Variants in SLC22A15 observed in about 807,000 individuals in gnomAD.
SLC22A15 encodes the protein solute carrier family 22 member 15.
In SLC22A15, 45 loss-of-function variants were observed where a neutral mutation model predicts 62.7. The ratio of observed to expected loss-of-function variants is 0.72; its 90% CI spans 0.56 to 0.92. The LOEUF (loss-of-function observed/expected upper bound fraction) is 0.92. Ranked by LOEUF, SLC22A15 falls within the 40% of genes least tolerant of loss-of-function variation. The probability of loss-of-function intolerance (pLI) is 0.00; values close to 1 mark genes in which losing one functional copy is unlikely to be tolerated. For missense variants in SLC22A15, 622 were observed against 665.6 expected, an observed-to-expected ratio of 0.93 and a Z score of 0.72; for synonymous variants, 264 against 267.0, an observed-to-expected ratio of 0.99 and a Z score of 0.11.
chr1:116,023,711 GA>G (rs1656953529), intron 4 of SLC22A15, among the ~76,000 whole-genome samples: 2 of 152,204 alleles, frequency 1.3e-5, no homozygotes, highest in Non-Finnish European at 2.9e-5. Flanking sequence ...TGAAGAAAAT[GA>G]AGCAGGGTAA....
At chr1:116,022,377 T>A (rs946804577) in intron 4 of SLC22A15, among the ~76,000 whole-genome samples, 2 of 148,132 alleles carry the variant, frequency 1.4e-5, no homozygotes, top group Non-Finnish European at 3.0e-5. Flanking sequence ...CTGCTCCCTG[T>A]ATCCAGGGAA....
chr1:116,004,730 T>G (rs1570714618), intron 2 of SLC22A15, among the ~76,000 whole-genome samples: 1 of 152,176 alleles, frequency 6.6e-6, no homozygotes, highest in East Asian at 1.9e-4. Flanking sequence ...TTATATTTTA[T>G]GGAAGAGATT....
intron 1 of SLC22A15, among the ~76,000 whole-genome samples, chr1:115,983,773 G>A (rs1469261559): frequency 6.6e-6 from 1 of 152,178 alleles, no homozygotes; most frequent in Non-Finnish European, 1.5e-5. Context: ...ATGGGAAGGT[G>A]GAGTGGTTGC....
chr1:116,038,242 A>C (rs1657684450), intron 8 of SLC22A15, among the ~76,000 whole-genome samples: 1 of 152,210 alleles, frequency 6.6e-6, no homozygotes, highest in Non-Finnish European at 1.5e-5. Flanking sequence ...TCCAGTAGGC[A>C]ATCATTGTGA....
intron 8 of SLC22A15, among the ~76,000 whole-genome samples, chr1:116,048,067 C>T (rs1657971562): frequency 6.6e-6 from 1 of 151,994 alleles, no homozygotes; most frequent in Non-Finnish European, 1.5e-5. Flanking sequence ...ACAAAGCCTC[C>T]AAGAAGTCTG....
intron 1 of SLC22A15, among the ~76,000 whole-genome samples, chr1:115,988,707 AT>A (rs1655004436): frequency 2.6e-5 from 3 of 117,080 alleles, no homozygotes; most frequent in Non-Finnish European, 5.5e-5. Context: ...TTTTTTTTGT[AT>A]TTTTAGTAGA....
Position 116,050,831 on chromosome 1 carries a change from C to T in SLC22A15, c.1172-11931C>T, listed in dbSNP as rs575929308. 5.6e-4 allele frequency among the ~76,000 whole-genome samples: 85 copies of T among 152,258 alleles called. No individual in the cohort carries two copies. The South Asian group carries it at 0.014, about 25-fold the overall frequency. On this transcript the variant is annotated intron_variant, in intron 8 of 11. Transcript: ENST00000369503. Reference sequence around the variant, plus strand: ...TTGTTTACCTCAGAAATCCTAAAGACTCCTCCAGAAAGCTCCTAGAACTGA... The same window carrying T: ...TTGTTTACCTCAGAAATCCTAAAGATTCCTCCAGAAAGCTCCTAGAACTGA...
At chr1:116,003,845 C>T (rs1011385467) in intron 2 of SLC22A15, among the ~76,000 whole-genome samples, 8 of 152,148 alleles carry the variant, frequency 5.3e-5, no homozygotes, top group Non-Finnish European at 1.0e-4. Context: ...ACCCAATTGT[C>T]CCAAAGAGCT....
At chr1:116,022,494 C>G (rs1382617621) in intron 4 of SLC22A15, among the ~76,000 whole-genome samples, 2 of 152,100 alleles carry the variant, frequency 1.3e-5, no homozygotes, top group Admixed American at 1.3e-4. Flanking sequence ...TAACATTTCT[C>G]CATTATAGTA....
chr1:115,999,360 T>C (rs193279747), intron 2 of SLC22A15, among the ~76,000 whole-genome samples: 1 of 152,216 alleles, frequency 6.6e-6, no homozygotes, highest in African/African-American at 2.4e-5. Context: ...TTTTTCTCCC[T>C]GGATGACCTA....
Position 116,052,742 on chromosome 1 carries a change from G to A in SLC22A15, c.1172-10020G>A, listed in dbSNP as rs148824248. On this transcript the variant is annotated intron_variant, in intron 8 of 11. Transcript: ENST00000369503. ...GGAATGATCAGACAGCAGCATTCGCGGTTCACGAAAATCTACTGTTCTGCA... is the reference window on the plus strand; with the variant it reads ...GGAATGATCAGACAGCAGCATTCGCAGTTCACGAAAATCTACTGTTCTGCA... Among the ~76,000 whole-genome samples, 1,337 of 152,240 alleles carry A rather than the reference G, an allele frequency of 8.8e-3. 5 individuals are homozygous for A. The highest frequency in any genetic ancestry group is 0.017 in the African/African-American group (687 of 41,518).
At position 116,064,380 on chromosome 1, in the gene SLC22A15, G is replaced by C; in HGVS notation, c.1293-56G>C. ...TCAAGGCCCGCTGCTGCCCCCCAAG[G>C]GTCTCTTAATTCCTCCGCTAGAACT... On this transcript the variant is annotated intron_variant, in intron 9 of 11. Coordinates refer to ENST00000369503, the MANE Select transcript of SLC22A15 (RefSeq NM_018420.3). The C allele has an allele frequency of 3.0e-6, 4 of 1,318,274 alleles. No homozygotes were observed. The South Asian group carries it at 3.6e-5, about 12-fold the overall frequency. 81.7% of individuals were successfully genotyped at this position (1,318,274 alleles called of 1,614,324 possible). A position where few individuals can be genotyped will look rare whatever the true frequency, so the allele number is the denominator to read the frequency against.
intron 7 of SLC22A15, among the ~76,000 whole-genome samples, chr1:116,035,654 A>G (rs1163556943): frequency 1.3e-5 from 2 of 152,212 alleles, no homozygotes; most frequent in Non-Finnish European, 1.5e-5. Flanking sequence ...TGAGATTATT[A>G]GTTCTGTGTA....
Position 116,067,923 on chromosome 1 carries a change from A to G in SLC22A15, c.*815A>G, listed in dbSNP as rs756861176. 12 of 152,228 alleles carry G rather than the reference A, an allele frequency of 7.9e-5. No individual in the cohort carries two copies. The highest frequency in any genetic ancestry group is 1.3e-4 in the Non-Finnish European group (9 of 68,042). 9.4% of individuals were successfully genotyped at this position (152,228 alleles called of 1,614,324 possible). ...AGTACTTCAAAATCATGCATAGTAA[A>G]TGAGAAAGCTTTAAGTAGAGGGCAG... On this transcript the variant is annotated 3_prime_UTR_variant, in exon 12 of 12. Transcript: ENST00000369503.
chr1:116,063,042 T>C (rs1042661804), intron 9 of SLC22A15, among the ~76,000 whole-genome samples, 160 bp downstream of exon 9: 1 of 152,236 alleles, frequency 6.6e-6, no homozygotes, highest in African/African-American at 2.4e-5. Flanking sequence ...CTTGGCAGAC[T>C]GCTCTCTGCC....
intron 8 of SLC22A15, among the ~76,000 whole-genome samples, chr1:116,043,763 G>C (rs548628192): frequency 3.0e-4 from 46 of 152,212 alleles, no homozygotes. Context: ...CCAATATGTG[G>C]AATGAAAGAG....
At chr1:116,042,579 AAATGCTTTGC>A (rs1162504783) in intron 8 of SLC22A15, among the ~76,000 whole-genome samples, 4 of 152,224 alleles carry the variant, frequency 2.6e-5, no homozygotes, top group Non-Finnish European at 2.9e-5. Flanking sequence ...AGAAATGCTC[AAATGCTTTGC>A]AAATTTGATA....
chr1:116,038,654 C>A (rs1043671753), intron 8 of SLC22A15, among the ~76,000 whole-genome samples: 3 of 152,240 alleles, frequency 2.0e-5, no homozygotes, highest in African/African-American at 7.2e-5. Flanking sequence ...ATTGCCCTGA[C>A]ATAGACTTGT....
At chr1:115,995,652 G>A (rs1655385313) in intron 2 of SLC22A15, among the ~76,000 whole-genome samples, 1 of 152,230 alleles carries the variant, frequency 6.6e-6, no homozygotes, top group East Asian at 1.9e-4. Context: ...CTGTCTGTCT[G>A]TCTCTGTCTG....
Sources: allele counts gnomAD v4.1 joint callset (sites outside exome capture counted in the v4.1 genomes callset), GRCh38; gene constraint gnomAD v4.1.1; transcripts MANE v1.5; gene names NCBI Gene and HGNC (gene_info 2026-07-23, HGNC 2026-07-21).